The following KDM4C variants were observed in gnomAD, a reference collection of about 807,000 sequenced individuals.
KDM4C encodes the protein lysine demethylase 4C.
A neutral mutation model predicts 129.3 loss-of-function variants in KDM4C; 81 were observed. The ratio of observed to expected loss-of-function variants is 0.63; its 90% CI spans 0.52 to 0.75. The LOEUF is 0.75. KDM4C is among the 30% of genes least tolerant of loss of function. The probability of loss-of-function intolerance (pLI) is 0.00; values close to 1 mark genes in which losing one functional copy is unlikely to be tolerated. For missense variants in KDM4C, 1,457 were observed against 1,304.0 expected (o/e 1.12, Z -1.81); for synonymous variants, 573 against 456.1 (o/e 1.26, Z -3.26).
At chr9:6,792,656 A>C (rs1826900327) in intron 1 of KDM4C, among the ~76,000 whole-genome samples, 2 of 152,042 alleles carry the variant, frequency 1.3e-5, no homozygotes, top group African/African-American at 4.8e-5. Flanking sequence ...CAAAGTGCTG[A>C]GATTACAGGC....
At chr9:6,935,127 A>G (rs1426052108) in intron 8 of KDM4C, among the ~76,000 whole-genome samples, 2 of 152,150 alleles carry the variant, frequency 1.3e-5, no homozygotes, top group East Asian at 3.9e-4. Context: ...AACCAGGGAA[A>G]AAGTTGTCAA....
chr9:7,122,265 A>ACACACACACACACACT (rs375655422), intron 18 of KDM4C, among the ~76,000 whole-genome samples: 1 of 144,714 alleles, frequency 6.9e-6, no homozygotes, highest in African/African-American at 2.6e-5. Flanking sequence ...ACACACACAC[A>ACACACACACACACACT]CTCTCTCTCT....
chr9:6,828,921 C>T (rs1236988494), intron 4 of KDM4C, among the ~76,000 whole-genome samples: 3 of 152,168 alleles, frequency 2.0e-5, no homozygotes, highest in Non-Finnish European at 4.4e-5. Context: ...TTGGCCGTTT[C>T]TCTTTTCACT....
At chr9:7,158,609 A>G (rs528526104) in intron 19 of KDM4C, among the ~76,000 whole-genome samples, 3 of 152,288 alleles carry the variant, frequency 2.0e-5, no homozygotes, top group South Asian at 2.1e-4. Context: ...CCCAGTAGTC[A>G]TTCAGGAGCA....
chr9:6,844,657 A>G (rs1837536738), intron 4 of KDM4C, among the ~76,000 whole-genome samples: 1 of 152,202 alleles, frequency 6.6e-6, no homozygotes, highest in African/African-American at 2.4e-5. Context: ...TAAAGAGGAC[A>G]AAGTTTTTCG....
intron 18 of KDM4C, among the ~76,000 whole-genome samples, chr9:7,105,219 A>C (rs1249124997): frequency 6.6e-6 from 1 of 152,178 alleles, no homozygotes; most frequent in Admixed American, 6.5e-5. Flanking sequence ...ACCTCATTAG[A>C]GGATGTATAT....
At chr9:6,741,705 G>T (rs1588052662) in intron 1 of KDM4C, among the ~76,000 whole-genome samples, 2 of 107,710 alleles carry the variant, frequency 1.9e-5, no homozygotes. Flanking sequence ...GTCTTTTGGT[G>T]ACACTTTTTA....
At chr9:6,997,108 C>T (rs1819903918) in intron 12 of KDM4C, among the ~76,000 whole-genome samples, 1 of 152,160 alleles carries the variant, frequency 6.6e-6, no homozygotes, top group Non-Finnish European at 1.5e-5. Context: ...ATGGTAGCAG[C>T]ACCTGCCGCA....
At chr9:7,168,952 G>C (rs1844676729) in intron 20 of KDM4C, among the ~76,000 whole-genome samples, 1 of 152,028 alleles carries the variant, frequency 6.6e-6, no homozygotes, top group Admixed American at 6.5e-5. Flanking sequence ...GGCAGAGGTG[G>C]GAGGATTGCT....
rs564994019 is a variant in KDM4C at position 6,887,774 on chromosome 9, T to A, written c.680-186T>A. Among the ~76,000 whole-genome samples the A allele has an allele frequency of 2.6e-4, 40 of 152,358 alleles. 3 individuals are homozygous for A. In the South Asian group the frequency reaches 7.9e-3, roughly 30 times the overall value. On this transcript the variant is annotated intron_variant, in intron 6 of 21. Transcript: ENST00000381309. ...TGTAAAGAAGATCAACCTTTGGTGA[T>A]GTATCCTTTAATTTTTAAGAATTCT...
chr9:6,734,926 T>C (rs1817474092), intron 1 of KDM4C: 6 of 574,264 alleles, frequency 1.0e-5, no homozygotes, highest in Non-Finnish European at 2.1e-5. Flanking sequence ...AGTCTGTGGC[T>C]GTGCAACTTT....
intron 2 of KDM4C, among the ~76,000 whole-genome samples, chr9:6,802,222 C>G (rs1412671584): frequency 1.3e-5 from 2 of 151,824 alleles, no homozygotes; most frequent in Non-Finnish European, 2.9e-5. Context: ...GTACACTTAA[C>G]AGAAAGACTA....
chr9:6,919,249 T>TCTC, intron 8 of KDM4C, among the ~76,000 whole-genome samples: 1 of 58,752 alleles, frequency 1.7e-5, no homozygotes, highest in African/African-American at 8.6e-5. Flanking sequence ...TTTCTTTCTT[T>TCTC]TCTTTCTTTC....
At chr9:7,004,969 C>T (rs762260342) in intron 12 of KDM4C, among the ~76,000 whole-genome samples, 12 of 152,158 alleles carry the variant, frequency 7.9e-5, no homozygotes, top group African/African-American at 1.2e-4. Context: ...TACTGAGTGT[C>T]CGGGCTACTT....
intron 7 of KDM4C, among the ~76,000 whole-genome samples, chr9:6,888,711 C>T (rs1050177021): frequency 4.6e-5 from 7 of 151,898 alleles, no homozygotes; most frequent in Non-Finnish European, 8.8e-5. Context: ...AAATCTCCCT[C>T]TCAGTCTCAG....
intron 4 of KDM4C, among the ~76,000 whole-genome samples, chr9:6,822,371 A>G (rs892912649): frequency 6.6e-6 from 1 of 152,192 alleles, no homozygotes; most frequent in African/African-American, 2.4e-5. Flanking sequence ...CCTTTTTGAG[A>G]TAGATGGGAT....
At chr9:6,851,703 C>T (rs1045743945) in intron 5 of KDM4C, among the ~76,000 whole-genome samples, 4 of 152,100 alleles carry the variant, frequency 2.6e-5, no homozygotes, top group Non-Finnish European at 4.4e-5. Context: ...AATGAAGTGT[C>T]TGCTTTCTAA....
chr9:7,168,869 T>G (rs1216314953), intron 20 of KDM4C, among the ~76,000 whole-genome samples: 1 of 151,948 alleles, frequency 6.6e-6, no homozygotes, highest in Admixed American at 6.6e-5. Context: ...AGACCTTATC[T>G]CTACTAAAAA....
chr9:7,073,521 C>T (rs2132845771), intron 17 of KDM4C, among the ~76,000 whole-genome samples: 2 of 152,316 alleles, frequency 1.3e-5, no homozygotes, highest in Middle Eastern at 6.8e-3. Flanking sequence ...TTCTCAGAGG[C>T]TGAAAACAAA....
Sources: allele counts gnomAD v4.1 joint callset (sites outside exome capture counted in the v4.1 genomes callset), GRCh38; gene constraint gnomAD v4.1.1; transcripts MANE v1.5; gene names NCBI Gene and HGNC (gene_info 2026-07-23, HGNC 2026-07-21).